Variants in NRG1 observed in about 807,000 individuals in gnomAD.
The protein encoded by NRG1 is pro-neuregulin-1, membrane-bound isoform.
In NRG1, 18 loss-of-function variants were observed where a neutral mutation model predicts 63.8. That is an observed-to-expected ratio of 0.28 (90% CI 0.19 to 0.42). NRG1 has a LOEUF of 0.42. Among genes scored for constraint, NRG1 ranks in the 10% least tolerant of loss-of-function variants. The pLI, the probability that NRG1 is intolerant of heterozygous loss-of-function variation, is 1.00. For missense variants in NRG1, 762 were observed against 814.7 expected (o/e 0.94, Z 0.79); for synonymous variants, 302 against 301.3 (o/e 1.00, Z -0.02).
intron 1 of NRG1, among the ~76,000 whole-genome samples, chr8:32,437,320 TTTTGTTTG>T (rs989714893): frequency 6.6e-6 from 1 of 151,810 alleles, no homozygotes; most frequent in Non-Finnish European, 1.5e-5. Context: ...GTTTGTTTGT[TTTTGTTTG>T]TTTGTTTGTT....
intron 1 of NRG1, among the ~76,000 whole-genome samples, chr8:32,400,300 G>A (rs1181176448): frequency 2.6e-5 from 4 of 152,186 alleles, no homozygotes; most frequent in East Asian, 1.9e-4. Flanking sequence ...CCTGGCCAAC[G>A]TGGCAAACTC....
chr8:32,486,506 A>ATT (rs1400909296), intron 1 of NRG1, among the ~76,000 whole-genome samples: 1 of 151,986 alleles, frequency 6.6e-6, no homozygotes, highest in African/African-American at 2.4e-5. Flanking sequence ...GAATATTTGA[A>ATT]TTTTTTATTT....
At chr8:31,716,300 T>C (rs1424447960) in intron 1 of NRG1, among the ~76,000 whole-genome samples, 2 of 152,226 alleles carry the variant, frequency 1.3e-5, no homozygotes. Context: ...TTTCTTTGTG[T>C]TTCTTTTTGC....
chr8:32,131,114 G>A (rs1197034375), intron 1 of NRG1, among the ~76,000 whole-genome samples: 1 of 151,940 alleles, frequency 6.6e-6, no homozygotes, highest in Non-Finnish European at 1.5e-5. Flanking sequence ...TTAATTTCCA[G>A]ATACATTTGT....
intron 1 of NRG1, among the ~76,000 whole-genome samples, chr8:32,406,646 G>A (rs1814031676): frequency 6.6e-6 from 1 of 152,038 alleles, no homozygotes; most frequent in African/African-American, 2.4e-5. Flanking sequence ...TGATTTTGAT[G>A]TCTCCTACCC....
At chr8:31,805,513 T>C (rs971080630) in intron 1 of NRG1, among the ~76,000 whole-genome samples, 2 of 152,260 alleles carry the variant, frequency 1.3e-5, no homozygotes, top group East Asian at 1.9e-4. Context: ...AGCAGAAAAC[T>C]TCATTTTGTT....
chr8:32,496,083 A>G (rs1251058736), intron 1 of NRG1, among the ~76,000 whole-genome samples: 1 of 152,314 alleles, frequency 6.6e-6, no homozygotes, highest in Non-Finnish European at 1.5e-5. Context: ...AAATAGTGCT[A>G]GGTAAGAAGT....
intron 1 of NRG1, among the ~76,000 whole-genome samples, chr8:32,076,324 T>C (rs1826540076): frequency 6.6e-6 from 1 of 152,196 alleles, no homozygotes; most frequent in African/African-American, 2.4e-5. Flanking sequence ...CTTATCTCTG[T>C]GACTGATCAT....
chr8:32,208,189 A>G (rs1371416118), intron 1 of NRG1, among the ~76,000 whole-genome samples: 1 of 152,148 alleles, frequency 6.6e-6, no homozygotes, highest in Non-Finnish European at 1.5e-5. Context: ...TTTACCTGTC[A>G]TATGGCAGAT....
At chr8:32,411,530 G>T (rs1431040301) in intron 1 of NRG1, among the ~76,000 whole-genome samples, 4 of 152,122 alleles carry the variant, frequency 2.6e-5, no homozygotes, top group African/African-American at 4.8e-5. Flanking sequence ...ATAAAGGAAA[G>T]GAATATTCTT....
At chr8:32,737,049 A>T (rs989155957) in intron 6 of NRG1, among the ~76,000 whole-genome samples, 4 of 152,214 alleles carry the variant, frequency 2.6e-5, no homozygotes, top group Non-Finnish European at 4.4e-5. Flanking sequence ...AGTTTTTATT[A>T]TACTGGTGCT....
chr8:32,064,570 C>T (rs1243475791), intron 1 of NRG1, among the ~76,000 whole-genome samples: 2 of 152,104 alleles, frequency 1.3e-5, no homozygotes, highest in South Asian at 2.1e-4. Context: ...AAAAACTTAT[C>T]GCTAAAGTCT....
chr8:31,658,621 C>T (rs1805665486), intron 1 of NRG1, among the ~76,000 whole-genome samples: 1 of 152,122 alleles, frequency 6.6e-6, no homozygotes, highest in South Asian at 2.1e-4. Flanking sequence ...CACCGCCATG[C>T]CTGGCTAATT....
chr8:32,427,214 G>A (rs549872254), intron 1 of NRG1, among the ~76,000 whole-genome samples: 8 of 152,266 alleles, frequency 5.3e-5, no homozygotes, highest in Non-Finnish European at 1.2e-4. Flanking sequence ...ATTGTGATAT[G>A]AGTTTGATAC....
At chr8:32,136,023 G>A (rs1835471513) in intron 1 of NRG1, among the ~76,000 whole-genome samples, 1 of 152,142 alleles carries the variant, frequency 6.6e-6, no homozygotes, top group South Asian at 2.1e-4. Context: ...CAAACACAGT[G>A]CAGATGAGGG....
At chr8:31,642,972 G>A (rs564195063) in intron 1 of NRG1, among the ~76,000 whole-genome samples, 6 of 132,336 alleles carry the variant, frequency 4.5e-5, no homozygotes, top group African/African-American at 2.0e-4. Context: ...GGAATATTGA[G>A]TGTAAAAGTG....
intron 1 of NRG1, among the ~76,000 whole-genome samples, chr8:32,313,158 T>C (rs1857011457): frequency 6.6e-6 from 1 of 152,134 alleles, no homozygotes; most frequent in South Asian, 2.1e-4. Context: ...CCGTCATATA[T>C]ATATTCACAT....
chr8:32,484,489 A>G (rs73577985), intron 1 of NRG1, among the ~76,000 whole-genome samples: 164 of 152,348 alleles, frequency 1.1e-3, no homozygotes, highest in African/African-American at 3.8e-3. Context: ...TGAAAACACA[A>G]TGAGTTCAGT....
intron 1 of NRG1, among the ~76,000 whole-genome samples, chr8:32,135,852 C>T (rs573236015): frequency 6.6e-6 from 1 of 151,900 alleles, no homozygotes; most frequent in African/African-American, 2.4e-5. Context: ...GGACAGAGCC[C>T]AGGGGTACTC....
Sources: gnomAD v4.1 joint callset for allele counts (sites outside exome capture counted in the v4.1 genomes callset) on GRCh38, gnomAD v4.1.1 for gene constraint, MANE v1.5 for transcripts, NCBI Gene and HGNC (gene_info 2026-07-23, HGNC 2026-07-21) for gene names.